Variants in DEPDC1B observed in about 807,000 individuals in gnomAD.
DEPDC1B encodes DEP domain-containing protein 1B.
A neutral mutation model predicts 66.5 loss-of-function variants in DEPDC1B; 51 were observed. The ratio of observed to expected loss-of-function variants is 0.77; its 90% CI spans 0.61 to 0.97. DEPDC1B has a LOEUF of 0.97. DEPDC1B is among the 50% of genes least tolerant of loss of function. The probability of loss-of-function intolerance (pLI) is 0.00; values close to 1 mark genes in which losing one functional copy is unlikely to be tolerated. For synonymous variants in DEPDC1B, 226 were observed against 223.6 expected, an observed-to-expected ratio of 1.01 and a Z score of -0.10; for missense variants, 552 against 637.1, an observed-to-expected ratio of 0.87 and a Z score of 1.44.
Position 60,645,497 on chromosome 5 carries a change from T to C in DEPDC1B, c.573A>G (p.Leu191=). 6.2e-7 allele frequency: 1 copy of C among 1,607,844 alleles called. No individual in the cohort carries two copies. The highest frequency in any genetic ancestry group is 8.5e-7 in the Non-Finnish European group (1 of 1,177,618). Residue 191 remains leucine (L), a synonymous_variant, in exon 4 of 11, where the codon TTA becomes TTG. Transcript: ENST00000265036. ...NVEEIWKSMT[L]SYLQKILGLD... is the part of the protein sequence containing the mutation. ...TTAATATCAAATGTACATACTATGA[T>C]AATGTCATAGACTTCCATATCTCTT...
At chr5:60,677,867 T>C (rs1049856929) in intron 2 of DEPDC1B, among the ~76,000 whole-genome samples, 7 of 152,120 alleles carry the variant, frequency 4.6e-5, no homozygotes, top group African/African-American at 1.7e-4. Flanking sequence ...AAAATCACAC[T>C]AACAAGTTTT....
At chr5:60,633,199 AG>A (rs1326608640) in intron 7 of DEPDC1B, among the ~76,000 whole-genome samples, 2 of 152,146 alleles carry the variant, frequency 1.3e-5, no homozygotes, top group Non-Finnish European at 2.9e-5. Flanking sequence ...TTCTCTCTAG[AG>A]CCTGGACTCC....
intron 2 of DEPDC1B, among the ~76,000 whole-genome samples, chr5:60,673,108 G>A (rs1020366504): frequency 3.2e-4 from 49 of 151,998 alleles, no homozygotes; most frequent in African/African-American, 1.0e-3. Flanking sequence ...GGGTTCCCGC[G>A]CCCTTGATCA....
In DEPDC1B at chr5:60,644,877, T is replaced by A; in HGVS notation, c.579-2A>T. On this transcript the variant is annotated splice_acceptor_variant, in intron 4 of 10. Transcript: ENST00000265036. LOFTEE classifies it high-confidence loss of function. The stretch of plus-strand genomic sequence containing the variant: ...TCCAGGCCAAGAATTTTCTGTAAGC[T>A]AAAAGATAAGTAATTATATTAATTA... 1.3e-6 allele frequency: 2 copies of A among 1,593,384 alleles called. No homozygotes were observed. Among genetic ancestry groups the A allele is most frequent in the Non-Finnish European group, 1.7e-6 (2 of 1,169,286 alleles).
chr5:60,634,674 A>AT (rs1753001129), intron 7 of DEPDC1B, among the ~76,000 whole-genome samples: 7 of 147,272 alleles, frequency 4.8e-5, no homozygotes, highest in Non-Finnish European at 9.0e-5. Flanking sequence ...TCTGTCTCAA[A>AT]AAAATAAATA....
intron 1 of DEPDC1B, among the ~76,000 whole-genome samples, chr5:60,692,871 G>A (rs2112046260): frequency 6.6e-6 from 1 of 152,162 alleles, no homozygotes; most frequent in Non-Finnish European, 1.5e-5. Context: ...ATAATATTGA[G>A]ATGAACAGGC....
At chr5:60,666,444 A>C (rs1753842349) in intron 2 of DEPDC1B, among the ~76,000 whole-genome samples, 1 of 152,116 alleles carries the variant, frequency 6.6e-6, no homozygotes. Flanking sequence ...TCTAAGAACA[A>C]AGACCCCCCC....
intron 1 of DEPDC1B, among the ~76,000 whole-genome samples, chr5:60,695,736 A>G (rs1754638255): frequency 6.6e-6 from 1 of 152,208 alleles, no homozygotes; most frequent in Non-Finnish European, 1.5e-5. Flanking sequence ...AATTAATACC[A>G]AGTATAAATC....
intron 9 of DEPDC1B, among the ~76,000 whole-genome samples, chr5:60,602,739 C>G (rs1017240546): frequency 6.6e-6 from 1 of 152,148 alleles, no homozygotes; most frequent in Non-Finnish European, 1.5e-5. Flanking sequence ...GTGTTCTAAT[C>G]TTCACAACTT....
chr5:60,645,738 T>A, intron 3 of DEPDC1B, 119 bp from the exon 4 acceptor site: 1 of 1,045,510 alleles, frequency 9.6e-7, no homozygotes, highest in Non-Finnish European at 1.3e-6. Flanking sequence ...TGGTTACTTG[T>A]AACTTGATTT....
At chr5:60,673,768 T>G (rs189606051) in intron 2 of DEPDC1B, among the ~76,000 whole-genome samples, 72 of 152,404 alleles carry the variant, frequency 4.7e-4, no homozygotes, top group African/African-American at 1.6e-3. Flanking sequence ...CTATATGATA[T>G]TTATTATTTT....
intron 7 of DEPDC1B, among the ~76,000 whole-genome samples, chr5:60,612,150 C>T (rs1752425713): frequency 6.6e-6 from 1 of 152,084 alleles, no homozygotes. Flanking sequence ...TGGCTGGGTG[C>T]AGTGGCTTAT....
At chr5:60,688,103 A>AG (rs1754463939) in intron 1 of DEPDC1B, among the ~76,000 whole-genome samples, 1 of 152,098 alleles carries the variant, frequency 6.6e-6, no homozygotes, top group South Asian at 2.1e-4. Flanking sequence ...AAGGCATTGT[A>AG]GGAGGAGGAG....
chr5:60,653,073 G>A (rs1025518834), intron 2 of DEPDC1B, among the ~76,000 whole-genome samples: 8 of 149,212 alleles, frequency 5.4e-5, no homozygotes, highest in Admixed American at 4.0e-4. Context: ...ATAAACATGT[G>A]TGTGCAAGTG....
intron 2 of DEPDC1B, among the ~76,000 whole-genome samples, chr5:60,649,675 C>T (rs1478904859): frequency 6.6e-6 from 1 of 151,938 alleles, no homozygotes; most frequent in Non-Finnish European, 1.5e-5. Flanking sequence ...CACAACTGGC[C>T]AAGAGAACAA....
At chr5:60,678,280 CG>C (rs906650013) in intron 2 of DEPDC1B, among the ~76,000 whole-genome samples, 3 of 152,120 alleles carry the variant, frequency 2.0e-5, no homozygotes, top group Non-Finnish European at 4.4e-5. Flanking sequence ...TGCCACCCAG[CG>C]GTGCTACATT....
chr5:60,661,406 GCTCGTCGGAAAAAGACTAGGGGTC>G (rs1753712372), intron 2 of DEPDC1B, among the ~76,000 whole-genome samples: 1 of 152,214 alleles, frequency 6.6e-6, no homozygotes, highest in Non-Finnish European at 1.5e-5. Context: ...CTAGGACTAT[GCTCGTCGGAAAAAGACTAGGGGTC>G]CTGGCATCCC....
intron 7 of DEPDC1B, among the ~76,000 whole-genome samples, chr5:60,625,978 GT>G (rs1752801524): frequency 6.6e-6 from 1 of 152,022 alleles, no homozygotes; most frequent in South Asian, 2.1e-4. Flanking sequence ...GTCAAATTTA[GT>G]TATTTTTTCT....
intron 3 of DEPDC1B, among the ~76,000 whole-genome samples, chr5:60,647,192 TACA>T (rs1294202056): frequency 1.3e-5 from 2 of 151,032 alleles, no homozygotes; most frequent in East Asian, 3.9e-4. Context: ...AACAATACAG[TACA>T]ACAACTATTT....
Sources: gnomAD v4.1 joint callset for allele counts (sites outside exome capture counted in the v4.1 genomes callset) on GRCh38, gnomAD v4.1.1 for gene constraint, MANE v1.5 for transcripts, NCBI Gene and HGNC (gene_info 2026-07-23, HGNC 2026-07-21) for gene names.